The following XRCC4 variants were observed in gnomAD, a reference collection of about 807,000 sequenced individuals.
The protein encoded by XRCC4 is X-ray repair cross complementing 4.
A neutral mutation model predicts 39.1 loss-of-function variants in XRCC4; 28 were observed. The observed-to-expected ratio is 0.72, with a 90% confidence interval of 0.53 to 0.98. XRCC4 has a LOEUF of 0.98. Among genes scored for constraint, XRCC4 ranks in the 50% least tolerant of loss-of-function variants. The pLI is 0.00. For missense variants in XRCC4, 350 were observed against 376.4 expected (o/e 0.93, Z 0.58); for synonymous variants, 123 against 126.4 (o/e 0.97, Z 0.18).
At position 83,119,352 on chromosome 5, in the gene XRCC4, A is replaced by G. The variant is rs544697611; in HGVS notation, c.315+8149A>G. On this transcript the variant is annotated intron_variant, in intron 3 of 7. Coordinates refer to ENST00000396027, the MANE Select transcript of XRCC4 (RefSeq NM_003401.5). ...CATAGTATTCTTTATTTTGGTGATAAAAGTATTTGTGTACATGTGCCATTT... is the reference window on the plus strand; with the variant it reads ...CATAGTATTCTTTATTTTGGTGATAGAAGTATTTGTGTACATGTGCCATTT... Among the ~76,000 whole-genome samples the G allele has an allele frequency of 7.2e-5, 11 of 152,316 alleles. No individual in the cohort carries two copies. In the South Asian group the frequency reaches 2.3e-3, roughly 32 times the overall value.
chr5:83,134,099 G>A (rs552732762), intron 3 of XRCC4, among the ~76,000 whole-genome samples: 3 of 152,300 alleles, frequency 2.0e-5, no homozygotes, highest in Admixed American at 6.5e-5. Context: ...TGCTTGGACC[G>A]CTGTTCCCTA....
intron 6 of XRCC4, among the ~76,000 whole-genome samples, chr5:83,224,560 G>A (rs1266257822): frequency 4.6e-5 from 7 of 152,142 alleles, no homozygotes; most frequent in Non-Finnish European, 1.5e-5. Flanking sequence ...CGGCACTATA[G>A]CATTAGAGTG....
At chr5:83,171,698 A>T (rs1749734044) in intron 3 of XRCC4, among the ~76,000 whole-genome samples, 1 of 152,204 alleles carries the variant, frequency 6.6e-6, no homozygotes, top group African/African-American at 2.4e-5. Context: ...TAGCCTGGAA[A>T]ATAAAGGCCA....
chr5:83,264,323 G>T (rs1445966818), intron 7 of XRCC4, among the ~76,000 whole-genome samples: 2 of 152,038 alleles, frequency 1.3e-5, no homozygotes, highest in Non-Finnish European at 2.9e-5. Context: ...CAGTCACATA[G>T]AGTTTAGGCA....
At chr5:83,334,432 A>G (rs2112177731) in intron 7 of XRCC4, among the ~76,000 whole-genome samples, 1 of 152,202 alleles carries the variant, frequency 6.6e-6, no homozygotes, top group Admixed American at 6.5e-5. Context: ...CAATATGGGC[A>G]TTTACCTTGT....
At chr5:83,200,829 G>A (rs903398863) in intron 4 of XRCC4, among the ~76,000 whole-genome samples, 2 of 152,038 alleles carry the variant, frequency 1.3e-5, no homozygotes, top group African/African-American at 4.8e-5. Context: ...ATGTTTTAAA[G>A]TTTTTTGTTG....
At chr5:83,305,287 G>GTT (rs142767376) in intron 7 of XRCC4, among the ~76,000 whole-genome samples, 1 of 150,920 alleles carries the variant, frequency 6.6e-6, no homozygotes, top group African/African-American at 2.4e-5. Context: ...GTAACTTCAG[G>GTT]TTTTTTTTTG....
chr5:83,249,865 T>C (rs1753244247), intron 6 of XRCC4, among the ~76,000 whole-genome samples: 1 of 152,190 alleles, frequency 6.6e-6, no homozygotes, highest in Non-Finnish European at 1.5e-5. Flanking sequence ...TTTCAAAAAA[T>C]AACCTGAAAG....
At chr5:83,169,811 G>T (rs749895160) in intron 3 of XRCC4, among the ~76,000 whole-genome samples, 1 of 152,158 alleles carries the variant, frequency 6.6e-6, no homozygotes, top group Non-Finnish European at 1.5e-5. Context: ...TAAACAGGCT[G>T]TGTGTTTATT....
At chr5:83,340,441 G>A (rs1756720554) in intron 7 of XRCC4, among the ~76,000 whole-genome samples, 1 of 152,174 alleles carries the variant, frequency 6.6e-6, no homozygotes, top group Non-Finnish European at 1.5e-5. Flanking sequence ...GGATTATCCA[G>A]TTAGGTCCAA....
chr5:83,229,174 GT>G (rs943931290), intron 6 of XRCC4, among the ~76,000 whole-genome samples: 4 of 151,996 alleles, frequency 2.6e-5, no homozygotes, highest in African/African-American at 9.7e-5. Context: ...ACTGGAGGTA[GT>G]TTTTGTGGTA....
chr5:83,133,344 A>G (rs1196354733), intron 3 of XRCC4, among the ~76,000 whole-genome samples: 1 of 152,144 alleles, frequency 6.6e-6, no homozygotes, highest in Non-Finnish European at 1.5e-5. Context: ...TCAGGGACCC[A>G]CTTGAGGAGG....
intron 7 of XRCC4, among the ~76,000 whole-genome samples, chr5:83,272,375 T>A (rs1166085184): frequency 2.0e-5 from 3 of 152,158 alleles, no homozygotes; most frequent in Admixed American, 1.3e-4. Flanking sequence ...CTTCTGTTAG[T>A]GTGGGGTGTT....
At chr5:83,364,543 A>G in the XRCC4 span, among the ~76,000 whole-genome samples, 1 of 152,208 alleles carries the variant, frequency 6.6e-6, no homozygotes, top group East Asian at 1.9e-4. Flanking sequence ...CAACCAGGCC[A>G]TCTATGCATG....
chr5:83,090,906 GGTT>G (rs1745398157), intron 1 of XRCC4, among the ~76,000 whole-genome samples: 1 of 151,988 alleles, frequency 6.6e-6, no homozygotes. Context: ...ATTATGTTAT[GGTT>G]GTTTATATTT....
At chr5:83,279,604 C>G (rs1056392497) in intron 7 of XRCC4, among the ~76,000 whole-genome samples, 1 of 152,136 alleles carries the variant, frequency 6.6e-6, no homozygotes, top group Non-Finnish European at 1.5e-5. Context: ...GTAATATATA[C>G]TGTGTGAATA....
chr5:83,360,684 C>G, the XRCC4 span, among the ~76,000 whole-genome samples: 1 of 152,016 alleles, frequency 6.6e-6, no homozygotes, highest in Non-Finnish European at 1.5e-5. Context: ...CCCACCTGGG[C>G]TTCTGAAGAG....
At chr5:83,129,689 G>A (rs9687060) in intron 3 of XRCC4, among the ~76,000 whole-genome samples, 74,305 of 151,530 alleles carry the variant, frequency 0.49, 19,166 homozygotes, top group African/African-American at 0.63. Context: ...GAGGTCCTTC[G>A]CATCCCTTGT....
intron 3 of XRCC4, among the ~76,000 whole-genome samples, chr5:83,182,360 T>C (rs1356206844): frequency 6.6e-6 from 1 of 152,164 alleles, no homozygotes; most frequent in African/African-American, 2.4e-5. Flanking sequence ...ATCCAACTCT[T>C]GGTGTATTAA....
Sources: allele counts gnomAD v4.1 joint callset (sites outside exome capture counted in the v4.1 genomes callset), GRCh38; gene constraint gnomAD v4.1.1; transcripts MANE v1.5; gene names NCBI Gene and HGNC (gene_info 2026-07-23, HGNC 2026-07-21).